The following PGM3 variants were observed in gnomAD, a reference collection of about 807,000 sequenced individuals.
PGM3 encodes phosphoglucomutase 3.
A neutral mutation model predicts 66.2 loss-of-function variants in PGM3; 40 were observed. That is an observed-to-expected ratio of 0.60 (90% CI 0.47 to 0.79). The LOEUF (loss-of-function observed/expected upper bound fraction) is 0.79. PGM3 is among the 30% of genes least tolerant of loss of function. PGM3 has a pLI of 0.00. For missense variants in PGM3, 537 were observed against 643.4 expected (o/e 0.83, Z 1.79); for synonymous variants, 191 against 224.2 (o/e 0.85, Z 1.32).
At chr6:83,184,744 C>T (rs1171239779) in intron 4 of PGM3, among the ~76,000 whole-genome samples, 1 of 152,146 alleles carries the variant, frequency 6.6e-6, no homozygotes, top group Non-Finnish European at 1.5e-5. Flanking sequence ...AACAACTTTC[C>T]TTTCCCTTCT....
downstream of PGM3, among the ~76,000 whole-genome samples, chr6:83,156,379 G>A (rs1345153030): frequency 6.6e-6 from 1 of 152,188 alleles, no homozygotes; most frequent in Non-Finnish European, 1.5e-5. Flanking sequence ...AGATGATTTT[G>A]CTGCGGGCAG....
At position 83,168,167 on chromosome 6, in the gene PGM3, A is replaced by G; in HGVS notation, c.*1067T>C. 1 of 1,611,048 alleles carries G rather than the reference A, an allele frequency of 6.2e-7. No individual in the cohort carries two copies. The highest frequency in any genetic ancestry group is 8.5e-7 in the Non-Finnish European group (1 of 1,178,916). ...TTCTGGAAGGGATGATAAAAACTTGAGCACCATTGCTGGTTCCATTTAGCT... is the reference window on the plus strand; with the variant it reads ...TTCTGGAAGGGATGATAAAAACTTGGGCACCATTGCTGGTTCCATTTAGCT... On this transcript the variant is annotated 3_prime_UTR_variant, in exon 13 of 13. Coordinates refer to ENST00000513973, the MANE Select transcript of PGM3 (RefSeq NM_015599.3).
At chr6:83,163,871 G>T (rs1388416257), downstream of PGM3, among the ~76,000 whole-genome samples, 1 of 151,878 alleles carries the variant, frequency 6.6e-6, no homozygotes, top group African/African-American at 2.4e-5. Context: ...CCATTAAAAA[G>T]TGTAGGAAAA....
intron 4 of PGM3, among the ~76,000 whole-genome samples, chr6:83,184,714 C>G (rs1262954692): frequency 7.9e-5 from 12 of 152,222 alleles, no homozygotes; most frequent in Admixed American, 7.2e-4. Context: ...AGCGGCCTAG[C>G]TGGTCTGTTT....
At chr6:83,163,762 A>G (rs2128437358), downstream of PGM3, among the ~76,000 whole-genome samples, 1 of 152,298 alleles carries the variant, frequency 6.6e-6, no homozygotes, top group South Asian at 2.1e-4. Context: ...TTTTTAAAAC[A>G]GTGCTCAGAG....
chr6:83,178,588 T>A, intron 8 of PGM3, 85 bp downstream of exon 8: 1 of 796,184 alleles, frequency 1.3e-6, no homozygotes, highest in South Asian at 1.4e-5. Flanking sequence ...CACTACAACA[T>A]AATCACTTTT....
chr6:83,191,312 G>C, intron 1 of PGM3: 1 of 1,278,618 alleles, frequency 7.8e-7, no homozygotes, highest in East Asian at 2.5e-5. Flanking sequence ...ACTTAAATTG[G>C]TCCACTCTCA....
chr6:83,168,501 T>C lies in PGM3; in HGVS notation c.*733A>G. On this transcript the variant is annotated 3_prime_UTR_variant, in exon 13 of 13. Coordinates refer to ENST00000513973, the MANE Select transcript of PGM3 (RefSeq NM_015599.3). ...GGTTTCAGACTTGGTTCAATTAAGA[T>C]TGGTTGGGGATTTTTCTCTTTTCCT... is the stretch of plus-strand genomic sequence containing the variant. 4 of 1,017,252 alleles carry C rather than the reference T, an allele frequency of 3.9e-6. No individual in the cohort carries two copies. The highest frequency in any genetic ancestry group is 4.7e-6 in the Non-Finnish European group (4 of 850,578). 63.0% of individuals were successfully genotyped at this position (1,017,252 alleles called of 1,614,324 possible).
chr6:83,168,346 A>G lies in PGM3; in HGVS notation c.*888T>C. ...TGAATGTGGCCTGAATCAAGTTTAA[A>G]TATTGTTGGCTCATACTGATTATGG... On this transcript the variant is annotated 3_prime_UTR_variant, in exon 13 of 13. Transcript: ENST00000513973. The G allele has an allele frequency of 2.1e-6, 3 of 1,409,348 alleles. No homozygotes were observed. The South Asian group carries it at 4.7e-5, about 22-fold the overall frequency. 87.3% of individuals were successfully genotyped at this position (1,409,348 alleles called of 1,614,324 possible).
At chr6:83,169,487 C>T in intron 12 of PGM3, 164 bp from the exon 13 acceptor site, 1 of 762,726 alleles carries the variant, frequency 1.3e-6, no homozygotes, top group Non-Finnish European at 2.1e-6. Flanking sequence ...GTAACAAATT[C>T]CAAAGCCCTT....
At chr6:83,159,842 G>A (rs908737548), downstream of PGM3, 41 of 1,614,004 alleles carry the variant, frequency 2.5e-5, no homozygotes, top group Non-Finnish European at 3.3e-5. Context: ...GTACACAGGA[G>A]GTAATGGCTT....
intron 2 of PGM3, 38 bp from the exon 3 acceptor site, chr6:83,188,836 C>T (rs772381682): frequency 1.3e-6 from 2 of 1,558,732 alleles, no homozygotes; most frequent in South Asian, 1.1e-5. Context: ...TCTGTGCATA[C>T]TCATGAGGCT....
chr6:83,182,400 T>C (rs1240163755), intron 5 of PGM3, among the ~76,000 whole-genome samples: 1 of 152,230 alleles, frequency 6.6e-6, no homozygotes, highest in East Asian at 1.9e-4. Context: ...GGCTTTTAGT[T>C]AATTGTGCCT....
intron 12 of PGM3, 75 bp from the exon 13 acceptor site, chr6:83,169,398 G>A: frequency 7.2e-6 from 11 of 1,537,988 alleles, no homozygotes; most frequent in Non-Finnish European, 9.7e-6. Context: ...CATGTTACTT[G>A]GAACTCTGGG....
At chr6:83,152,807 G>A in the PGM3 span, among the ~76,000 whole-genome samples, 11 of 151,614 alleles carry the variant, frequency 7.3e-5, no homozygotes, top group Non-Finnish European at 1.3e-4. Flanking sequence ...TAGTAGAGAC[G>A]GGGTTTCATC....
chr6:83,166,720 G>T lies in PGM3; in HGVS notation c.*2514C>A. On this transcript the variant is annotated 3_prime_UTR_variant, in exon 13 of 13. Transcript: ENST00000513973. The stretch of plus-strand genomic sequence containing the variant: ...TTTTCAGGATTTTACTTTAAAATAA[G>T]CAATAAGCTTGAGAGCACATAGAAG... 8.3e-7 allele frequency: 1 copy of T among 1,204,422 alleles called. No homozygotes were observed. Among genetic ancestry groups the T allele is most frequent in the Non-Finnish European group, 1.0e-6 (1 of 970,218 alleles). 74.6% of individuals were successfully genotyped at this position (1,204,422 alleles called of 1,614,324 possible).
chr6:83,162,312 C>T (rs73749722), downstream of PGM3, among the ~76,000 whole-genome samples: 2,823 of 152,114 alleles, frequency 0.019, 94 homozygotes, highest in African/African-American at 0.064. Flanking sequence ...GCAAAAAAAG[C>T]CCTTAGTTTT....
intron 3 of PGM3, among the ~76,000 whole-genome samples, chr6:83,187,787 A>T (rs559792762): frequency 4.0e-4 from 61 of 152,340 alleles, no homozygotes; most frequent in African/African-American, 1.4e-3. Context: ...CTGGTGACAG[A>T]GCGAGACTCC....
chr6:83,181,534 A>G (rs957287840), intron 6 of PGM3, among the ~76,000 whole-genome samples: 2 of 152,124 alleles, frequency 1.3e-5, no homozygotes, highest in African/African-American at 4.8e-5. Context: ...CCTGTAGACT[A>G]TGAGGAATGG....
Sources: gnomAD v4.1 joint callset for allele counts (sites outside exome capture counted in the v4.1 genomes callset) on GRCh38, gnomAD v4.1.1 for gene constraint, MANE v1.5 for transcripts, NCBI Gene and HGNC (gene_info 2026-07-23, HGNC 2026-07-21) for gene names.